Variants in MYO10 observed in about 807,000 individuals in gnomAD.
MYO10 encodes the protein unconventional myosin-X.
In MYO10, 133 loss-of-function variants were observed where a neutral mutation model predicts 257.3. The observed-to-expected ratio is 0.52, with a 90% CI of 0.45 to 0.60. The LOEUF (loss-of-function observed/expected upper bound fraction) is 0.60. Among genes scored for constraint, MYO10 ranks in the 20% least tolerant of loss-of-function variants. The pLI is 0.00. For synonymous variants in MYO10, 1,104 were observed against 1,028.6 expected (o/e 1.07, Z -1.40); for missense variants, 2,399 against 2,635.7 (o/e 0.91, Z 1.97).
intron 2 of MYO10, among the ~76,000 whole-genome samples, chr5:16,835,492 G>GT (rs1554001242): frequency 0.044 from 3,554 of 80,886 alleles, 124 homozygotes; most frequent in Non-Finnish European, 0.053. Context: ...ATTTTTGGCT[G>GT]TTTTTTTTTT....
Position 16,712,503 on chromosome 5 carries a change from CA to C in MYO10, c.1930-1259del, listed in dbSNP as rs961772893. On this transcript the variant is annotated intron_variant, in intron 19 of 40. Transcript: ENST00000513610. ...TCCCACACAACTGTGAATACAATGA[CA>C]AAAAAATAGTGCCATAGGACCTAAC... Among the ~76,000 whole-genome samples the C allele has an allele frequency of 2.0e-5, 3 of 151,934 alleles. No homozygotes were observed. The East Asian group carries it at 5.8e-4, about 29-fold the overall frequency.
chr5:16,768,054 A>G (rs1157208991), intron 10 of MYO10, among the ~76,000 whole-genome samples: 1 of 152,084 alleles, frequency 6.6e-6, no homozygotes, highest in African/African-American at 2.4e-5. Context: ...GGGTTCTATG[A>G]TTTTTGAGAA....
intron 1 of MYO10, among the ~76,000 whole-genome samples, chr5:16,926,308 C>A (rs1470379964): frequency 1.3e-5 from 2 of 152,256 alleles, no homozygotes; most frequent in East Asian, 3.9e-4. Context: ...CAATCTCATT[C>A]TTTTTTTAAT....
chr5:16,847,513 G>A (rs931416050), intron 2 of MYO10, among the ~76,000 whole-genome samples: 17 of 151,990 alleles, frequency 1.1e-4, no homozygotes, highest in African/African-American at 2.7e-4. Flanking sequence ...CGAGAGGATC[G>A]CTAGGCCCCA....
intron 1 of MYO10, among the ~76,000 whole-genome samples, chr5:16,904,475 G>C (rs769420886): frequency 6.6e-6 from 1 of 152,192 alleles, no homozygotes; most frequent in African/African-American, 2.4e-5. Flanking sequence ...AAAATGGGGA[G>C]CAGACTTACA....
chr5:16,702,585 T>C lies in MYO10; in HGVS notation c.2514A>G (p.Glu838=), dbSNP rs372581012. The stretch of plus-strand genomic sequence containing the variant: ...CGGCTTCTCTTCGCTCTCTCTCTCT[T>C]TCTCTAAAAATAGTAAAGGAAAAGT... ...EKKKREEEER[E]RERERREAEL... Residue 838 remains glutamate (E), a synonymous_variant, in exon 24 of 41, where the codon GAA becomes GAG. Coordinates refer to ENST00000513610, the MANE Select transcript of MYO10 (RefSeq NM_012334.3). 13 of 1,580,364 alleles carry C rather than the reference T, an allele frequency of 8.2e-6. No homozygotes were observed. Among genetic ancestry groups the C allele is most frequent in the Non-Finnish European group, 1.0e-5 (12 of 1,162,376 alleles).
chr5:16,821,524 T>A (rs1742814250), intron 2 of MYO10, among the ~76,000 whole-genome samples: 1 of 139,792 alleles, frequency 7.2e-6, no homozygotes, highest in Non-Finnish European at 1.5e-5. Context: ...TGGAGTGCAG[T>A]GGCGCGATCT....
chr5:16,728,250 C>T (rs1293180136), intron 19 of MYO10, among the ~76,000 whole-genome samples: 1 of 152,148 alleles, frequency 6.6e-6, no homozygotes, highest in East Asian at 1.9e-4. Context: ...CGGCCAGGGT[C>T]GCTTGTCTCC....
chr5:16,794,581 G>A, intron 4 of MYO10, 65 bp downstream of exon 4: 4 of 1,456,646 alleles, frequency 2.7e-6, no homozygotes, highest in East Asian at 2.5e-5. Flanking sequence ...AGGAGGCTGG[G>A]GTTGGGGGTG....
intron 3 of MYO10, among the ~76,000 whole-genome samples, chr5:16,800,729 C>T (rs1028717837): frequency 4.6e-5 from 7 of 152,092 alleles, no homozygotes; most frequent in African/African-American, 1.7e-4. Context: ...CCTTGCCATG[C>T]GCCACCCCCG....
intron 1 of MYO10, among the ~76,000 whole-genome samples, chr5:16,894,766 A>C (rs1040797733): frequency 5.9e-5 from 9 of 152,318 alleles, no homozygotes; most frequent in African/African-American, 2.2e-4. Flanking sequence ...GGGGATACAC[A>C]GAGGACTGGA....
At chr5:16,824,738 G>A (rs911286535) in intron 2 of MYO10, among the ~76,000 whole-genome samples, 2 of 152,012 alleles carry the variant, frequency 1.3e-5, no homozygotes, top group Admixed American at 6.6e-5. Context: ...GTGGTGGCAC[G>A]CACCTGTAGT....
intron 19 of MYO10, among the ~76,000 whole-genome samples, chr5:16,725,937 G>A (rs557580886): frequency 2.0e-4 from 31 of 152,034 alleles, no homozygotes; most frequent in Non-Finnish European, 2.5e-4. Flanking sequence ...ATAGGCGCAC[G>A]CTGCCACGCC....
intron 1 of MYO10, among the ~76,000 whole-genome samples, chr5:16,899,083 C>T (rs890360802): frequency 2.8e-5 from 4 of 145,236 alleles, no homozygotes; most frequent in Non-Finnish European, 6.0e-5. Flanking sequence ...TGCAGTGAGC[C>T]GAGATCATGC....
At chr5:16,924,830 CTT>C (rs35010705) in intron 1 of MYO10, among the ~76,000 whole-genome samples, 7 of 124,358 alleles carry the variant, frequency 5.6e-5, no homozygotes, top group Admixed American at 9.0e-5. Context: ...CACTTTATCA[CTT>C]TTTTTTTTTT....
At chr5:16,915,606 C>G (rs958198305) in intron 1 of MYO10, among the ~76,000 whole-genome samples, 3 of 152,180 alleles carry the variant, frequency 2.0e-5, no homozygotes, top group African/African-American at 7.2e-5. Context: ...GGTGAAGGCA[C>G]GCTGAATTCC....
At chr5:16,935,696 C>A in intron 1 of MYO10, 92 bp downstream of exon 1, 1 of 1,520,342 alleles carries the variant, frequency 6.6e-7, no homozygotes, top group South Asian at 1.1e-5. Flanking sequence ...CCTTCCAGGG[C>A]TTAGGAAAAA....
At chr5:16,853,681 T>C (rs894739284) in intron 2 of MYO10, among the ~76,000 whole-genome samples, 1 of 152,202 alleles carries the variant, frequency 6.6e-6, no homozygotes, top group Non-Finnish European at 1.5e-5. Flanking sequence ...CCATCTGCTG[T>C]TGTGCCATCC....
At chr5:16,704,838 G>A (rs1040034103) in intron 21 of MYO10, among the ~76,000 whole-genome samples, 153 bp from the exon 22 acceptor site, 3 of 152,160 alleles carry the variant, frequency 2.0e-5, no homozygotes, top group African/African-American at 7.2e-5. Flanking sequence ...CTTTTTAAAG[G>A]TTCCACCTGT....
Sources: gnomAD v4.1 joint callset for allele counts (sites outside exome capture counted in the v4.1 genomes callset) on GRCh38, gnomAD v4.1.1 for gene constraint, MANE v1.5 for transcripts, NCBI Gene and HGNC (gene_info 2026-07-23, HGNC 2026-07-21) for gene names.